Variants in PKHD1 observed in about 807,000 individuals in gnomAD.
PKHD1 encodes the protein fibrocystin.
Under a neutral mutation model 412.0 loss-of-function variants are expected in PKHD1, and 291 were observed. The observed-to-expected ratio is 0.71, with a 90% CI of 0.64 to 0.78. PKHD1 has a LOEUF of 0.78. Among genes scored for constraint, PKHD1 ranks in the 30% least tolerant of loss-of-function variants. The pLI is 0.00. For missense variants in PKHD1, 4,825 were observed against 4,950.7 expected, an observed-to-expected ratio of 0.97 and a Z score of 0.76; for synonymous variants, 1,777 against 1,821.5, an observed-to-expected ratio of 0.98 and a Z score of 0.62.
chr6:51,794,401 T>C (rs1794258821), intron 52 of PKHD1, among the ~76,000 whole-genome samples: 1 of 152,146 alleles, frequency 6.6e-6, no homozygotes, highest in African/African-American at 2.4e-5. Flanking sequence ...AAATTTAAGA[T>C]CCTTATAGAT....
intron 30 of PKHD1, 22 bp from the exon 31 acceptor site, chr6:52,027,918 T>C (rs1802463258): frequency 1.9e-6 from 3 of 1,583,178 alleles, no homozygotes; most frequent in Non-Finnish European, 2.6e-6. Context: ...AGGCAGATGT[T>C]TAGGAAATAA....
intron 46 of PKHD1, among the ~76,000 whole-genome samples, chr6:51,879,000 A>G (rs879753406): frequency 0.019 from 1,722 of 91,580 alleles, 220 homozygotes; most frequent in Non-Finnish European, 0.025. Flanking sequence ...CTCATGAGTG[A>G]ACTCCCATTC....
At chr6:51,780,654 T>C (rs1791840328) in intron 53 of PKHD1, among the ~76,000 whole-genome samples, 1 of 152,092 alleles carries the variant, frequency 6.6e-6, no homozygotes, top group South Asian at 2.1e-4. Context: ...GAGATCTCAC[T>C]ACATATCCAG....
At chr6:51,884,998 T>C (rs1777983690) in intron 45 of PKHD1, among the ~76,000 whole-genome samples, 1 of 152,216 alleles carries the variant, frequency 6.6e-6, no homozygotes, top group Non-Finnish European at 1.5e-5. Flanking sequence ...CAGTTATCTT[T>C]CTTTTATGGG....
chr6:51,771,013 G>T (rs1376576236), intron 55 of PKHD1, among the ~76,000 whole-genome samples: 1 of 152,028 alleles, frequency 6.6e-6, no homozygotes, highest in African/African-American at 2.4e-5. Flanking sequence ...AAGAAATTCT[G>T]CCTTAAGACG....
Position 52,076,301 on chromosome 6 carries a change from T to G in PKHD1, c.423A>C (p.Gln141His). 6.2e-7 allele frequency: 1 copy of G among 1,612,154 alleles called. No homozygotes were observed. The highest frequency in any genetic ancestry group is 8.5e-7 in the Non-Finnish European group (1 of 1,178,268). Residue 141 changes from glutamine (Q) to histidine (H), a missense_variant, in exon 6 of 67, where the codon CAA becomes CAC. By Grantham distance (24) the Gln-to-His change is conservative. Transcript: ENST00000371117. The part of the protein sequence containing the change: ...FSKAQTPIVH[Q>H]VYPPSGVPGK... Reference sequence around the variant, plus strand: ...CTGGAACACCACTTGGTGGATAAACTTGGTGAACGATGGGTGTCTGCGCCT... The same window carrying G: ...CTGGAACACCACTTGGTGGATAAACGTGGTGAACGATGGGTGTCTGCGCCT...
chr6:51,865,582 A>G (rs1774933783), intron 48 of PKHD1, among the ~76,000 whole-genome samples: 1 of 152,156 alleles, frequency 6.6e-6, no homozygotes, highest in African/African-American at 2.4e-5. Context: ...TTATGCAGCT[A>G]TGTAAAGCCT....
At chr6:51,982,920 A>G (rs1348430149) in intron 35 of PKHD1, among the ~76,000 whole-genome samples, 1 of 137,274 alleles carries the variant, frequency 7.3e-6, no homozygotes, top group African/African-American at 2.7e-5. Context: ...AAGTATCCAC[A>G]TCTTAACCAC....
intron 57 of PKHD1, among the ~76,000 whole-genome samples, chr6:51,751,325 G>A (rs1034990035): frequency 6.6e-6 from 1 of 152,046 alleles, no homozygotes; most frequent in Non-Finnish European, 1.5e-5. Flanking sequence ...TCAGGCCCTG[G>A]ACTATGTTAT....
At chr6:51,908,856 C>G (rs1298522435) in intron 40 of PKHD1, among the ~76,000 whole-genome samples, 1 of 152,054 alleles carries the variant, frequency 6.6e-6, no homozygotes, top group African/African-American at 2.4e-5. Context: ...TGCCTGGACT[C>G]CCACAGTGTT....
chr6:51,657,190 C>T (rs1235767165), intron 61 of PKHD1, among the ~76,000 whole-genome samples: 8 of 151,614 alleles, frequency 5.3e-5, no homozygotes, highest in African/African-American at 1.9e-4. Context: ...TTCATGGGCT[C>T]GTCAATGGCT....
intron 3 of PKHD1, 83 bp from the exon 4 acceptor site, chr6:52,082,625 G>A: frequency 7.3e-7 from 1 of 1,364,696 alleles, no homozygotes; most frequent in South Asian, 1.2e-5. Context: ...GATCCTGGGG[G>A]TAATGTAAGA....
chr6:51,901,030 G>T (rs1465192833), intron 43 of PKHD1, among the ~76,000 whole-genome samples: 1 of 152,014 alleles, frequency 6.6e-6, no homozygotes, highest in Non-Finnish European at 1.5e-5. Context: ...AGGTGCTGGA[G>T]AGGATGTGGA....
chr6:51,633,225 A>G (rs1027970851), intron 64 of PKHD1, among the ~76,000 whole-genome samples: 1 of 152,178 alleles, frequency 6.6e-6, no homozygotes, highest in African/African-American at 2.4e-5. Flanking sequence ...ACAATGGCAG[A>G]TAGAACTGCC....
chr6:51,784,512 A>G (rs1792549354), intron 53 of PKHD1, among the ~76,000 whole-genome samples: 1 of 152,222 alleles, frequency 6.6e-6, no homozygotes, highest in East Asian at 1.9e-4. Context: ...AAATTGTACA[A>G]TGAGTTACTA....
At chr6:52,056,540 A>G (rs1379971509) in intron 18 of PKHD1, among the ~76,000 whole-genome samples, 158 bp downstream of exon 18, 1 of 152,054 alleles carries the variant, frequency 6.6e-6, no homozygotes, top group Non-Finnish European at 1.5e-5. Flanking sequence ...AGCACAGTGC[A>G]GTGCCAGTCC....
chr6:51,872,964 A>G (rs1776235515), intron 46 of PKHD1, among the ~76,000 whole-genome samples: 1 of 146,686 alleles, frequency 6.8e-6, no homozygotes, highest in African/African-American at 2.5e-5. Flanking sequence ...AAGAAGATGT[A>G]CGAATCAGAA....
At chr6:51,627,987 A>T (rs1189064288) in intron 65 of PKHD1, among the ~76,000 whole-genome samples, 1 of 152,194 alleles carries the variant, frequency 6.6e-6, no homozygotes, top group African/African-American at 2.4e-5. Context: ...CAGAGGACAA[A>T]CAAATAAATT....
Position 51,775,910 on chromosome 6 carries a change from T to C in PKHD1, c.8452A>G (p.Asn2818Asp). 1 of 1,501,940 alleles carries C rather than the reference T, an allele frequency of 6.7e-7. No homozygotes were observed. Among genetic ancestry groups the C allele is most frequent in the Non-Finnish European group, 9.3e-7 (1 of 1,079,354 alleles). 93.0% of individuals were successfully genotyped at this position (1,501,940 alleles called of 1,614,324 possible). ...GGELKVGTLENPLEKEQKLLI... is the reference protein window; with the variant it reads ...GGELKVGTLEDPLEKEQKLLI... The stretch of plus-strand genomic sequence containing the variant: ...AGCTTTTGTTCCTTTTCTAAGGGAT[T>C]TTCTAAAGTACCTGTTTACAAAGAA... Residue 2818 changes from asparagine to aspartate, a missense_variant, in exon 54 of 67, where the codon AAT becomes GAT. Transcript: ENST00000371117.
Sources: gnomAD v4.1 joint callset for allele counts (sites outside exome capture counted in the v4.1 genomes callset) on GRCh38, gnomAD v4.1.1 for gene constraint, MANE v1.5 for transcripts, NCBI Gene and HGNC (gene_info 2026-07-23, HGNC 2026-07-21) for gene names.